Variants in DENND4A observed in about 807,000 individuals in gnomAD.
DENND4A encodes DENN domain containing 4A.
A neutral mutation model predicts 199.3 loss-of-function variants in DENND4A; 70 were observed. The ratio of observed to expected loss-of-function variants is 0.35; its 90% CI spans 0.29 to 0.43. The LOEUF (loss-of-function observed/expected upper bound fraction) is 0.43, where lower values mean the gene tolerates loss of function less well. Among genes scored for constraint, DENND4A ranks in the 20% least tolerant of loss-of-function variants. DENND4A has a pLI of 1.00. For missense variants in DENND4A, 1,723 were observed against 2,255.8 expected, an observed-to-expected ratio of 0.76 and a Z score of 4.78; for synonymous variants, 686 against 766.9, an observed-to-expected ratio of 0.89 and a Z score of 1.74.
chr15:65,674,050 A>G (rs543540401), intron 24 of DENND4A, among the ~76,000 whole-genome samples: 1 of 152,156 alleles, frequency 6.6e-6, no homozygotes, highest in Admixed American at 6.6e-5. Flanking sequence ...AGCAAGGGGG[A>G]AAAAAAGAGG....
intron 1 of DENND4A, among the ~76,000 whole-genome samples, chr15:65,785,455 G>A (rs1269367645): frequency 6.9e-6 from 1 of 144,966 alleles, no homozygotes; most frequent in Non-Finnish European, 1.5e-5. Context: ...ACATCACCGC[G>A]CTCCAACCTG....
At chr15:65,708,447 TA>T (rs2075132820) in intron 14 of DENND4A, among the ~76,000 whole-genome samples, 1 of 152,198 alleles carries the variant, frequency 6.6e-6, no homozygotes. Flanking sequence ...TAGTTTTCGG[TA>T]AAGTCTATAC....
intron 20 of DENND4A, 99 bp downstream of exon 20, chr15:65,700,445 G>T: frequency 1.6e-6 from 1 of 641,306 alleles, no homozygotes; most frequent in Non-Finnish European, 2.2e-6. Context: ...AAAAGTGACA[G>T]TTAAACATCA....
intron 20 of DENND4A, among the ~76,000 whole-genome samples, chr15:65,698,700 T>G (rs142286793): frequency 6.6e-6 from 1 of 151,416 alleles, no homozygotes; most frequent in Admixed American, 6.6e-5. Context: ...ATGCTTTTAT[T>G]AGGTTTTACA....
intron 1 of DENND4A, among the ~76,000 whole-genome samples, chr15:65,772,376 A>G (rs533441797): frequency 6.6e-6 from 1 of 152,264 alleles, no homozygotes; most frequent in South Asian, 2.1e-4. Flanking sequence ...ATCTTATAAA[A>G]AAGGCTGGAT....
rs1476538677 is a variant in DENND4A, at chr15:65,792,185, G to T, written c.-277C>A. ...CACCCCCGCCCGCCCGCCCAGGCCTGCCGTCTCAGTCAGACGGGACTCCCC... is the reference window on the plus strand; with the variant it reads ...CACCCCCGCCCGCCCGCCCAGGCCTTCCGTCTCAGTCAGACGGGACTCCCC... On this transcript the variant is annotated 5_prime_UTR_variant, in exon 1 of 33. Coordinates refer to ENST00000443035, the MANE Select transcript of DENND4A (RefSeq NM_001320835.1). The T allele has an allele frequency of 1.5e-5, 2 of 134,094 alleles. No homozygotes were observed. Among genetic ancestry groups the T allele is most frequent in the East Asian group, 5.1e-4 (2 of 3,892 alleles). The allele number at this position is 134,094 out of a possible 1,614,324, so 8.3% of individuals were successfully genotyped here.
chr15:65,660,354 C>T lies in DENND4A; in HGVS notation c.*1497G>A. ...AACTCAAAAGGTGGGTTTTCTGCAGCTGAACTGATTCTAAGTCTCAGGACT... is the reference window on the plus strand; with the variant it reads ...AACTCAAAAGGTGGGTTTTCTGCAGTTGAACTGATTCTAAGTCTCAGGACT... On this transcript the variant is annotated 3_prime_UTR_variant, in exon 33 of 33. Coordinates refer to ENST00000443035, the MANE Select transcript of DENND4A (RefSeq NM_001320835.1). 6.6e-7 allele frequency: 1 copy of T among 1,507,392 alleles called. No individual in the cohort carries two copies. Among genetic ancestry groups the T allele is most frequent in the Non-Finnish European group, 8.9e-7 (1 of 1,121,576 alleles). 93.4% of individuals were successfully genotyped at this position (1,507,392 alleles called of 1,614,324 possible).
chr15:65,751,466 A>T (rs1596602434), intron 4 of DENND4A, among the ~76,000 whole-genome samples: 1 of 152,216 alleles, frequency 6.6e-6, no homozygotes, highest in Non-Finnish European at 1.5e-5. Context: ...AGAAGTCCAG[A>T]TTAGACAAAT....
chr15:65,722,941 C>T lies in DENND4A; in HGVS notation c.1495G>A (p.Asp499Asn). 1 of 1,603,838 alleles carries T rather than the reference C, an allele frequency of 6.2e-7. No homozygotes were observed. Among genetic ancestry groups the T allele is most frequent in the Non-Finnish European group, 8.5e-7 (1 of 1,175,476 alleles). ...VDTNTISQIGDKKNVAWKILP... is the reference protein window; with the variant it reads ...VDTNTISQIGNKKNVAWKILP... ...ATCTTCCAGGCTACATTTTTCTTGT[C>T]ACCAATTCTAAGATTAAATAACAAC... is the stretch of plus-strand genomic sequence containing the variant. Residue 499 changes from aspartate to asparagine, a missense_variant, in exon 12 of 33, where the codon GAC becomes AAC. Physicochemically the swap from Asp to Asn is conservative, Grantham distance 23 (BLOSUM62 1). Coordinates refer to ENST00000443035, the MANE Select transcript of DENND4A (RefSeq NM_001320835.1).
chr15:65,773,002 C>CAAAAAA (rs61241995), intron 1 of DENND4A, among the ~76,000 whole-genome samples: 6 of 102,144 alleles, frequency 5.9e-5, no homozygotes, highest in African/African-American at 1.1e-4. Flanking sequence ...TGTTTCTAAG[C>CAAAAAA]AAAAAAAAAA....
At chr15:65,694,200 A>G (rs896505427) in intron 22 of DENND4A, among the ~76,000 whole-genome samples, 5 of 152,174 alleles carry the variant, frequency 3.3e-5, no homozygotes, top group African/African-American at 1.2e-4. Context: ...TGTAATCCCA[A>G]CACTTTGGAA....
chr15:65,787,229 A>C (rs1305481486), intron 1 of DENND4A, among the ~76,000 whole-genome samples: 1 of 152,212 alleles, frequency 6.6e-6, no homozygotes, highest in Non-Finnish European at 1.5e-5. Context: ...TTTCATTTGA[A>C]AACAAAAACA....
chr15:65,727,851 GATAGCT>G (rs1441352411), intron 11 of DENND4A: 2 of 396,860 alleles, frequency 5.0e-6, no homozygotes, highest in Admixed American at 6.9e-5. Flanking sequence ...AAATAGTTCC[GATAGCT>G]ATAACTTACA....
intron 1 of DENND4A, among the ~76,000 whole-genome samples, chr15:65,787,910 T>A (rs1310887856): frequency 1.3e-5 from 2 of 151,996 alleles, no homozygotes; most frequent in African/African-American, 4.8e-5. Context: ...TACTGACTGA[T>A]GAAGTAATGG....
chr15:65,752,447 T>A lies in DENND4A; in HGVS notation c.493A>T (p.Ile165Leu). The A allele has an allele frequency of 6.2e-7, 1 of 1,613,758 alleles. No homozygotes were observed. Among genetic ancestry groups the A allele is most frequent in the Non-Finnish European group, 8.5e-7 (1 of 1,179,788 alleles). ...GGTGGGCTTTCTCCTTTACTGGGTA[T>A]AATAATACATATGTCAGTGACAGCC... ...TLAVTDICII[I>L]PSKGESPPHT... is the part of the protein sequence containing the mutation. The change falls in exon 4 of 33, where the codon ATA becomes TTA. Residue 165 changes from isoleucine (I) to leucine (L), a missense_variant. Ile to Leu is a conservative substitution (Grantham distance 5). This residue lies in a region of DENND4A where 725 missense variants were observed against 952.9 expected (regional missense o/e 0.76). Coordinates refer to ENST00000443035, the MANE Select transcript of DENND4A (RefSeq NM_001320835.1).
chr15:65,691,975 T>A (rs2076985996), intron 22 of DENND4A, among the ~76,000 whole-genome samples: 1 of 149,916 alleles, frequency 6.7e-6, no homozygotes. Context: ...TTTTTTTTTT[T>A]TTAATTTGCT....
At chr15:65,770,884 C>T (rs1020273712) in intron 1 of DENND4A, among the ~76,000 whole-genome samples, 1 of 152,138 alleles carries the variant, frequency 6.6e-6, no homozygotes, top group African/African-American at 2.4e-5. Flanking sequence ...ATCACTAAAA[C>T]TGGAAATTGC....
At chr15:65,703,736 G>A (rs1223438316) in intron 15 of DENND4A, among the ~76,000 whole-genome samples, 1 of 152,198 alleles carries the variant, frequency 6.6e-6, no homozygotes, top group East Asian at 1.9e-4. Flanking sequence ...GGAAACTAAG[G>A]CAGGAGGACT....
intron 1 of DENND4A, among the ~76,000 whole-genome samples, chr15:65,773,181 T>C (rs2140902223): frequency 6.6e-6 from 1 of 152,322 alleles, no homozygotes; most frequent in Middle Eastern, 3.4e-3. Context: ...TCTCTGAGTC[T>C]GGTTCTCTAG....
Sources: gnomAD v4.1 joint callset for allele counts (sites outside exome capture counted in the v4.1 genomes callset) on GRCh38, gnomAD v4.1.1 for gene constraint, gnomAD v4.1.1 regional missense constraint, MANE v1.5 for transcripts, NCBI Gene and HGNC (gene_info 2026-07-23, HGNC 2026-07-21) for gene names.